The following C10orf71 variants were observed in gnomAD, a reference collection of about 807,000 sequenced individuals.
The protein encoded by C10orf71 is chromosome 10 open reading frame 71.
For synonymous variants in C10orf71, 758 were observed against 726.3 expected (o/e 1.04, Z -0.70); for missense variants, 1,869 against 1,804.5 (o/e 1.04, Z -0.65).
Position 49,325,094 on chromosome 10 carries a change from A to G in C10orf71, c.2549A>G (p.Asn850Ser), listed in dbSNP as rs970196190. ...ACTCCCTCACCATCTTCTGCTTCAA[A>G]CAGGCACATGCTGTTTACGATTAAA... ...DLTPSPSSAS[N>S]RHMLFTIKDN... Residue 850 changes from asparagine to serine, a missense_variant, in exon 3 of 3, where the codon AAC becomes AGC. Transcript: ENST00000374144. 1.3e-6 allele frequency: 2 copies of G among 1,551,950 alleles called. No individual in the cohort carries two copies. The highest frequency in any genetic ancestry group is 3.9e-5 in the Admixed American group (2 of 51,010).
chr10:49,309,546 T>C (rs999357656), intron 1 of C10orf71, among the ~76,000 whole-genome samples: 6 of 152,226 alleles, frequency 3.9e-5, no homozygotes, highest in African/African-American at 1.4e-4. Flanking sequence ...TAGTTCAAGC[T>C]AAGACATTCT....
intron 1 of C10orf71, among the ~76,000 whole-genome samples, chr10:49,303,546 C>G (rs1002712869): frequency 6.6e-6 from 1 of 152,310 alleles, no homozygotes. Context: ...GGATCAAGCA[C>G]TGTTAAGCCA....
At chr10:49,307,935 C>G (rs964078532) in intron 1 of C10orf71, among the ~76,000 whole-genome samples, 1 of 152,158 alleles carries the variant, frequency 6.6e-6, no homozygotes, top group East Asian at 1.9e-4. Context: ...TAGACCAAGC[C>G]CGGCCTTCCC....
chr10:49,307,910 C>T (rs567221942), intron 1 of C10orf71, among the ~76,000 whole-genome samples: 5 of 152,264 alleles, frequency 3.3e-5, no homozygotes, highest in African/African-American at 1.2e-4. Flanking sequence ...TATTGGTCAC[C>T]CTCATGTCCT....
chr10:49,320,089 T>G (rs1393885280), intron 2 of C10orf71, among the ~76,000 whole-genome samples: 3 of 152,136 alleles, frequency 2.0e-5, no homozygotes, highest in Non-Finnish European at 4.4e-5. Flanking sequence ...TTAACACTAC[T>G]GAGTTGTATC....
In C10orf71 at chr10:49,325,408, A is replaced by C; in HGVS notation, c.2863A>C (p.Lys955Gln). ...GATGGAGGCCTCTCAGCCAGCCCCA[A>C]AGGGGAATTTCCCATCTATGCCTCT... ...ARMEASQPAP[K>Q]GNFPSMPLVG... Residue 955 changes from lysine to glutamine, a missense_variant, in exon 3 of 3, where the codon AAG (lysine) becomes CAG (glutamine). Physicochemically the swap from Lys to Gln is moderately conservative, Grantham distance 53 (BLOSUM62 1). Coordinates refer to ENST00000374144, the MANE Select transcript of C10orf71 (RefSeq NM_001135196.2). 1 of 1,550,348 alleles carries C rather than the reference A, an allele frequency of 6.5e-7. No individual in the cohort carries two copies. Among genetic ancestry groups the C allele is most frequent in the Non-Finnish European group, 8.7e-7 (1 of 1,145,962 alleles).
Position 49,323,091 on chromosome 10 carries a change from CAG to C in C10orf71, c.547_548del (p.Ser183CysfsTer18). 6.2e-7 allele frequency: 1 copy of C among 1,614,022 alleles called. No individual in the cohort carries two copies. Among genetic ancestry groups the C allele is most frequent in the Non-Finnish European group, 8.5e-7 (1 of 1,179,878 alleles). On this transcript the variant is annotated frameshift_variant, in exon 3 of 3. Transcript: ENST00000374144. LOFTEE classifies it low-confidence loss of function (END_TRUNC). ...CCAAATTCGCTCCTCTTCCAGAAAA[CAG>C]TGTCAACTTCTGCTTCGATTCTGCC... ...PPKFAPLPEN[S>X]VNFCFDSAFL...
chr10:49,324,983 G>C lies in C10orf71; in HGVS notation c.2438G>C (p.Arg813Thr). ...ERESVSGGRT[R>T]KASAEEANFR... ...GAAAGTGTGTCTGGAGGAAGAACCA[G>C]GAAGGCATCAGCAGAGGAAGCTAAT... The change falls in exon 3 of 3, where the codon AGG (arginine) becomes ACG (threonine). Residue 813 changes from arginine (R) to threonine (T), a missense_variant. Arg to Thr is a moderately conservative substitution (Grantham distance 71). Transcript: ENST00000374144. 6.4e-7 allele frequency: 1 copy of C among 1,551,152 alleles called. No individual in the cohort carries two copies. The highest frequency in any genetic ancestry group is 8.7e-7 in the Non-Finnish European group (1 of 1,146,612).
intron 2 of C10orf71, among the ~76,000 whole-genome samples, chr10:49,320,730 G>C (rs1223024154): frequency 2.0e-5 from 3 of 152,158 alleles, no homozygotes; most frequent in African/African-American, 7.2e-5. Flanking sequence ...TATAGAGAGG[G>C]AGTGATTTAT....
intron 1 of C10orf71, among the ~76,000 whole-genome samples, chr10:49,309,940 T>G (rs1023727725): frequency 1.3e-5 from 2 of 152,192 alleles, no homozygotes; most frequent in Non-Finnish European, 1.5e-5. Context: ...CTCTAAGAAG[T>G]GAAAGCACCA....
At chr10:49,299,975 G>C (rs1848697687) in intron 1 of C10orf71, among the ~76,000 whole-genome samples, 2 of 152,214 alleles carry the variant, frequency 1.3e-5, no homozygotes, top group African/African-American at 4.8e-5. Context: ...TACACACCCT[G>C]GGAGGGCCCC....
rs1290314824 is a variant in C10orf71 at position 49,326,559 on chromosome 10, C to A, written c.4014C>A (p.Phe1338Leu). 6.4e-7 allele frequency: 1 copy of A among 1,550,662 alleles called. No homozygotes were observed. The highest frequency in any genetic ancestry group is 2.0e-5 in the Admixed American group (1 of 51,006). The change falls in exon 3 of 3, where the codon TTC becomes TTA. Residue 1338 changes from phenylalanine (F) to leucine (L), a missense_variant. Physicochemically the swap from Phe to Leu is conservative, Grantham distance 22. Coordinates refer to ENST00000374144, the MANE Select transcript of C10orf71 (RefSeq NM_001135196.2). ...CTCCCTATGTGCTGTACCCCGGCTT[C>A]CAGCCAGTGCCCGTGACGGCCTTGA... The part of the protein sequence containing the change: ...LAAPYVLYPG[F>L]QPVPVTALMP...
rs548234527 is a variant in C10orf71, at chr10:49,327,241, C to A, written c.*388C>A. Reference sequence around the variant, plus strand: ...GCCTGGTCCCAAGTGTCCCTCTGTACCCACACCCACCCACTCACTTGTAAG... The same window carrying A: ...GCCTGGTCCCAAGTGTCCCTCTGTAACCACACCCACCCACTCACTTGTAAG... On this transcript the variant is annotated 3_prime_UTR_variant, in exon 3 of 3. Transcript: ENST00000374144. 2 of 367,794 alleles carry A rather than the reference C, an allele frequency of 5.4e-6. No homozygotes were observed. Among genetic ancestry groups the A allele is most frequent in the South Asian group, 2.3e-5 (1 of 44,340 alleles). 22.8% of individuals were successfully genotyped at this position (367,794 alleles called of 1,614,324 possible).
chr10:49,326,196 A>C lies in C10orf71; in HGVS notation c.3651A>C (p.Thr1217=). 4 of 1,551,380 alleles carry C rather than the reference A, an allele frequency of 2.6e-6. No homozygotes were observed. The highest frequency in any genetic ancestry group is 3.5e-6 in the Non-Finnish European group (4 of 1,146,942). ...GKPCPEDLEQ[T]QQRPLCPRER... ...CCTGCCCGGAGGACTTGGAGCAGAC[A>C]CAGCAAAGGCCGCTGTGCCCCAGAG... Residue 1217 remains threonine (T), a synonymous_variant, in exon 3 of 3, where the codon ACA becomes ACC. Transcript: ENST00000374144.
At chr10:49,314,666 G>C (rs974590942) in intron 1 of C10orf71, among the ~76,000 whole-genome samples, 2 of 152,212 alleles carry the variant, frequency 1.3e-5, no homozygotes, top group African/African-American at 4.8e-5. Context: ...TGTGGCACCA[G>C]ATGGGTTTCA....
chr10:49,297,875 C>T (rs1171850501), upstream of C10orf71, among the ~76,000 whole-genome samples: 3 of 152,144 alleles, frequency 2.0e-5, no homozygotes, highest in Non-Finnish European at 4.4e-5. Flanking sequence ...TTTGGGCCTC[C>T]CTCAAAGCAT....
At chr10:49,321,479 C>T (rs900159536) in intron 2 of C10orf71, among the ~76,000 whole-genome samples, 41 of 152,156 alleles carry the variant, frequency 2.7e-4, no homozygotes, top group African/African-American at 8.4e-4. Flanking sequence ...AAATTTTGTT[C>T]ACTTCTCTGT....
At chr10:49,317,759 G>T (rs1291360359) in intron 2 of C10orf71, among the ~76,000 whole-genome samples, 1 of 152,178 alleles carries the variant, frequency 6.6e-6, no homozygotes, top group East Asian at 1.9e-4. Flanking sequence ...GCCAAGGTGG[G>T]AAGATCACTT....
chr10:49,319,956 A>G (rs1162599952), intron 2 of C10orf71, among the ~76,000 whole-genome samples: 3 of 152,048 alleles, frequency 2.0e-5, no homozygotes, highest in African/African-American at 7.2e-5. Context: ...ATAAAGACAA[A>G]AAGTCAAATG....
Sources: allele counts gnomAD v4.1 joint callset (sites outside exome capture counted in the v4.1 genomes callset), GRCh38; gene constraint gnomAD v4.1.1; transcripts MANE v1.5; gene names NCBI Gene and HGNC (gene_info 2026-07-23, HGNC 2026-07-21).